ANKRD36: variants seen among roughly 807,000 people sequenced by gnomAD.
ANKRD36 encodes the protein ankyrin repeat domain 36.
ANKRD36 carries 179 observed loss-of-function variants against 278.1 expected under a neutral mutation model. The observed-to-expected ratio is 0.64, with a 90% CI of 0.57 to 0.73. The LOEUF is 0.73. Among genes scored for constraint, ANKRD36 ranks in the 30% least tolerant of loss-of-function variants. The pLI, the probability that ANKRD36 is intolerant of heterozygous loss-of-function variation, is 0.00. For synonymous variants in ANKRD36, 320 were observed against 641.1 expected (o/e 0.50, Z 7.57); for missense variants, 1,159 against 1,956.7 (o/e 0.59, Z 7.69).
At chr2:97,187,176 A>T (rs1378970698) in intron 30 of ANKRD36, 22 bp from the exon 31 acceptor site, 9 of 1,609,160 alleles carry the variant, frequency 5.6e-6, no homozygotes, top group Middle Eastern at 2.3e-4. Context: ...ATGAGTGATT[A>T]TGTATCCCTT....
intron 75 of ANKRD36, among the ~76,000 whole-genome samples, chr2:97,260,766 CTG>C (rs1194103542): frequency 9.2e-6 from 1 of 108,874 alleles, no homozygotes; most frequent in Non-Finnish European, 1.7e-5. Context: ...CATTGAAAAT[CTG>C]TTATTTAGCA....
Position 97,206,080 on chromosome 2 carries a change from A to G in ANKRD36, c.3108A>G (p.Glu1036=), listed in dbSNP as rs200082468. ...PPTLKATSDE[E]DSVLSIAREN... ...CCATTCAGGCTACAAGTGATGAGGA[A>G]GATTCTGTTTTGAGTATAGCCAGAG... Residue 1036 remains glutamate, a synonymous_variant, in exon 52 of 76, where the codon GAA becomes GAG. Transcript: ENST00000420699. 4.5e-5 allele frequency: 70 copies of G among 1,551,274 alleles called. No individual in the cohort carries two copies. The highest frequency in any genetic ancestry group is 5.8e-5 in the Non-Finnish European group (67 of 1,149,680).
At chr2:97,176,245 A>T (rs113930443) in intron 22 of ANKRD36, among the ~76,000 whole-genome samples, 6 of 151,068 alleles carry the variant, frequency 4.0e-5, no homozygotes, top group Admixed American at 6.6e-5. Context: ...CCCATTATTA[A>T]TGTGTGGGAG....
intron 67 of ANKRD36, among the ~76,000 whole-genome samples, chr2:97,233,359 T>G (rs1193362601): frequency 5.3e-5 from 8 of 150,056 alleles, no homozygotes; most frequent in Non-Finnish European, 1.2e-4. Flanking sequence ...CATTTGAATT[T>G]TTTTACTTAT....
chr2:97,199,476 A>G (rs1435703836), intron 44 of ANKRD36, among the ~76,000 whole-genome samples: 1 of 151,922 alleles, frequency 6.6e-6, no homozygotes. Flanking sequence ...GATACTCCCA[A>G]CAAGACTATT....
intron 67 of ANKRD36, among the ~76,000 whole-genome samples, chr2:97,225,569 C>T (rs182886716): frequency 6.6e-6 from 1 of 152,180 alleles, no homozygotes; most frequent in Non-Finnish European, 1.5e-5. Flanking sequence ...ATAACACTGT[C>T]AATCATATTA....
At chr2:97,216,142 C>G (rs1424283442) in intron 62 of ANKRD36, among the ~76,000 whole-genome samples, 1 of 151,976 alleles carries the variant, frequency 6.6e-6, no homozygotes, top group African/African-American at 2.4e-5. Flanking sequence ...ATAAAGCACA[C>G]TGACTCGTTA....
intron 48 of ANKRD36, among the ~76,000 whole-genome samples, chr2:97,203,747 A>G (rs1194256715): frequency 6.6e-6 from 1 of 151,832 alleles, no homozygotes; most frequent in Non-Finnish European, 1.5e-5. Flanking sequence ...TCTGACGTGT[A>G]TGAGTTGCTC....
chr2:97,177,011 C>G (rs2054466906), intron 22 of ANKRD36, among the ~76,000 whole-genome samples: 1 of 151,662 alleles, frequency 6.6e-6, no homozygotes. Flanking sequence ...GCAAAAATCA[C>G]AAGCATTCTT....
chr2:97,194,991 G>T (rs1220194695), intron 40 of ANKRD36, 74 bp downstream of exon 40: 1 of 1,521,036 alleles, frequency 6.6e-7, no homozygotes, highest in African/African-American at 1.4e-5. Context: ...AAATCAGTGG[G>T]GGGCTGGTCA....
intron 6 of ANKRD36, among the ~76,000 whole-genome samples, chr2:97,127,811 TTCA>T: frequency 6.6e-6 from 1 of 152,174 alleles, no homozygotes; most frequent in Admixed American, 6.6e-5. Flanking sequence ...GCATGCCTTC[TTCA>T]TTTGTTTTAC....
At chr2:97,148,998 CTGGCTG>C in intron 11 of ANKRD36, among the ~76,000 whole-genome samples, 1 of 151,984 alleles carries the variant, frequency 6.6e-6, no homozygotes, top group Middle Eastern at 3.2e-3. Context: ...AAATTATTGT[CTGGCTG>C]TGCCATTATA....
chr2:97,156,610 C>T (rs1271732182), intron 15 of ANKRD36, among the ~76,000 whole-genome samples: 2 of 135,768 alleles, frequency 1.5e-5, no homozygotes, highest in Non-Finnish European at 3.3e-5. Context: ...TTTCTTAATC[C>T]AGTCTATCAT....
In ANKRD36 at chr2:97,192,886, G is replaced by C. The variant is rs369414022; in HGVS notation, c.2376G>C (p.Thr792=). 3.7e-6 allele frequency: 6 copies of C among 1,603,462 alleles called. No homozygotes were observed. Among genetic ancestry groups the C allele is most frequent in the Non-Finnish European group, 4.2e-6 (5 of 1,177,434 alleles). Residue 792 remains threonine (T), a splice_region_variant and synonymous_variant, in exon 37 of 76, where the codon ACG becomes ACC. Coordinates refer to ENST00000420699, the MANE Select transcript of ANKRD36 (RefSeq NM_001354587.1). ...TVSSQKPPAL[T]ATSDEEGSVL... is the part of the protein sequence containing the mutation. ...CTTCTCAGAAACCACCAGCCTTGAC[G>C]GTAATGAAACACTCATTTATATTGT...
intron 17 of ANKRD36, among the ~76,000 whole-genome samples, chr2:97,160,046 G>A (rs1237074640): frequency 0.064 from 6,683 of 104,712 alleles, no homozygotes; most frequent in African/African-American, 0.12. Context: ...GCCTCCCTAA[G>A]TGCTGGGATT....
chr2:97,207,665 T>G, intron 52 of ANKRD36, 146 bp from the exon 53 acceptor site: 1 of 1,329,050 alleles, frequency 7.5e-7, no homozygotes, highest in Non-Finnish European at 1.0e-6. Context: ...TCTGTCATGT[T>G]CTAGTCCCCA....
chr2:97,241,001 T>TTTG, intron 68 of ANKRD36, among the ~76,000 whole-genome samples: 1 of 145,138 alleles, frequency 6.9e-6, no homozygotes, highest in African/African-American at 2.6e-5. Context: ...TTTTTTTTTT[T>TTTG]TTTTTTTTTT....
intron 38 of ANKRD36, among the ~76,000 whole-genome samples, chr2:97,193,783 A>G (rs922236670): frequency 6.6e-6 from 1 of 151,648 alleles, no homozygotes; most frequent in African/African-American, 2.4e-5. Flanking sequence ...GAATGTGAAT[A>G]AATTTTGCTT....
Position 97,191,190 on chromosome 2 carries a change from G to A in ANKRD36, c.2347+9G>A. The A allele has an allele frequency of 1.3e-6, 2 of 1,581,866 alleles. 1 individual carries two copies. Among genetic ancestry groups the A allele is most frequent in the Non-Finnish European group, 1.7e-6 (2 of 1,163,562 alleles). The stretch of plus-strand genomic sequence containing the variant: ...AGAAAAATCTGGGACAGGTAATTTT[G>A]CAAAAGACATTTAATGTCATATTCA... On this transcript the variant is annotated intron_variant, in intron 36 of 75. Coordinates refer to ENST00000420699, the MANE Select transcript of ANKRD36 (RefSeq NM_001354587.1).
Sources: allele counts gnomAD v4.1 joint callset (sites outside exome capture counted in the v4.1 genomes callset), GRCh38; gene constraint gnomAD v4.1.1; transcripts MANE v1.5; gene names NCBI Gene and HGNC (gene_info 2026-07-23, HGNC 2026-07-21).